The following DLGAP2 variants were observed in gnomAD, a reference collection of about 807,000 sequenced individuals.
DLGAP2 encodes DLG associated protein 2.
DLGAP2 carries 26 observed loss-of-function variants against 100.3 expected under a neutral mutation model. That is an observed-to-expected ratio of 0.26 (90% CI 0.19 to 0.36). The LOEUF (loss-of-function observed/expected upper bound fraction) is 0.36, where lower values mean the gene tolerates loss of function less well. Ranked by LOEUF, DLGAP2 falls within the 10% of genes least tolerant of loss-of-function variation. DLGAP2 has a pLI of 1.00. For synonymous variants in DLGAP2, 886 were observed against 630.1 expected, an observed-to-expected ratio of 1.41 and a Z score of -6.08; for missense variants, 1,858 against 1,453.2, an observed-to-expected ratio of 1.28 and a Z score of -4.53.
chr8:1,554,268 A>T (rs1801880006), intron 5 of DLGAP2, among the ~76,000 whole-genome samples: 2 of 151,754 alleles, frequency 1.3e-5, no homozygotes, highest in Admixed American at 6.6e-5. Context: ...AGCCTGGGTG[A>T]CAGAGCAAGA....
At chr8:743,308 A>G (rs530235886) in intron 1 of DLGAP2, among the ~76,000 whole-genome samples, 25 of 152,270 alleles carry the variant, frequency 1.6e-4, no homozygotes, top group African/African-American at 4.6e-4. Flanking sequence ...GCCATGTTCA[A>G]CCTGAGGATC....
chr8:1,664,171 G>A (rs780241446), intron 8 of DLGAP2, among the ~76,000 whole-genome samples: 2 of 152,168 alleles, frequency 1.3e-5, no homozygotes, highest in African/African-American at 2.4e-5. Flanking sequence ...TGGCCTTCCC[G>A]TGGCAGCGTT....
chr8:749,242 C>A (rs182810011), intron 1 of DLGAP2, among the ~76,000 whole-genome samples: 1 of 152,242 alleles, frequency 6.6e-6, no homozygotes, highest in African/African-American at 2.4e-5. Flanking sequence ...CCCCCTGCCT[C>A]GGCCTCCCAA....
chr8:1,270,318 G>C (rs1799554791), intron 3 of DLGAP2, among the ~76,000 whole-genome samples: 1 of 152,172 alleles, frequency 6.6e-6, no homozygotes, highest in Non-Finnish European at 1.5e-5. Flanking sequence ...AAAATGTCCA[G>C]AAATAGAAGG....
intron 3 of DLGAP2, among the ~76,000 whole-genome samples, chr8:1,382,254 T>C (rs7844611): frequency 0.026 from 3,996 of 152,310 alleles, 187 homozygotes; most frequent in African/African-American, 0.091. Flanking sequence ...TACTGTTTAT[T>C]AAATGGAAAT....
chr8:1,018,659 G>C (rs1584981464), intron 2 of DLGAP2: 1 of 152,164 alleles, frequency 6.6e-6, no homozygotes, highest in African/African-American at 2.4e-5. Context: ...AGTAATCTGT[G>C]ATATTTAAAC....
intron 2 of DLGAP2, among the ~76,000 whole-genome samples, chr8:1,005,060 C>G (rs1801067119): frequency 6.6e-6 from 1 of 152,178 alleles, no homozygotes; most frequent in African/African-American, 2.4e-5. Flanking sequence ...CACAGAAACT[C>G]TGTCTTCCAC....
intron 1 of DLGAP2, among the ~76,000 whole-genome samples, chr8:900,324 G>C (rs543713444): frequency 3.6e-4 from 54 of 150,788 alleles, no homozygotes; most frequent in Non-Finnish European, 5.9e-4. Flanking sequence ...CCTCTTCACG[G>C]TGTCGCTCCC....
chr8:1,196,078 G>C (rs1427472142), intron 2 of DLGAP2, among the ~76,000 whole-genome samples: 1 of 152,334 alleles, frequency 6.6e-6, no homozygotes, highest in Middle Eastern at 3.4e-3. Flanking sequence ...CTGGAAAGCT[G>C]TGTCATAACT....
At chr8:1,415,228 C>G (rs1291954004) in intron 3 of DLGAP2, among the ~76,000 whole-genome samples, 1 of 152,208 alleles carries the variant, frequency 6.6e-6, no homozygotes, top group African/African-American at 2.4e-5. Context: ...CAGCCCTAAA[C>G]TGGTTTTAGG....
chr8:857,881 T>G (rs984175547), intron 1 of DLGAP2, among the ~76,000 whole-genome samples: 2 of 152,164 alleles, frequency 1.3e-5, no homozygotes, highest in Non-Finnish European at 2.9e-5. Flanking sequence ...GATTTTTTTT[T>G]TTTTTTGAGA....
intron 3 of DLGAP2, among the ~76,000 whole-genome samples, chr8:1,288,734 T>C (rs892844456): frequency 3.3e-5 from 5 of 150,186 alleles, no homozygotes; most frequent in Admixed American, 2.7e-4. Flanking sequence ...TTTCAGTGTG[T>C]GTGTGCGTGG....
At chr8:1,241,300 A>C (rs112398126) in intron 2 of DLGAP2, among the ~76,000 whole-genome samples, 15 of 125,520 alleles carry the variant, frequency 1.2e-4, no homozygotes, top group East Asian at 2.5e-4. Flanking sequence ...TCTCACATGG[A>C]GCCGTGTCTA....
At chr8:1,567,860 C>G (rs1802465014) in intron 6 of DLGAP2, among the ~76,000 whole-genome samples, 1 of 152,238 alleles carries the variant, frequency 6.6e-6, no homozygotes, top group South Asian at 2.1e-4. Flanking sequence ...GTGGGAAACC[C>G]TCTGGGAGTT....
chr8:1,533,655 T>G (rs1437596107), intron 4 of DLGAP2, among the ~76,000 whole-genome samples: 1 of 152,238 alleles, frequency 6.6e-6, no homozygotes, highest in Non-Finnish European at 1.5e-5. Flanking sequence ...TACCAAAGGT[T>G]CTGAGTTTCT....
chr8:1,507,204 G>A (rs1799952585), intron 4 of DLGAP2, among the ~76,000 whole-genome samples: 1 of 152,210 alleles, frequency 6.6e-6, no homozygotes, highest in South Asian at 2.1e-4. Flanking sequence ...CCGCGGAGCA[G>A]GGGGCAGCGT....
At chr8:1,685,258 G>C (rs1253087688) in intron 12 of DLGAP2, among the ~76,000 whole-genome samples, 1 of 152,236 alleles carries the variant, frequency 6.6e-6, no homozygotes, top group Non-Finnish European at 1.5e-5. Context: ...AGGGCACGAG[G>C]ATGACATGGC....
intron 2 of DLGAP2, among the ~76,000 whole-genome samples, chr8:975,553 C>G (rs1297858063): frequency 6.6e-6 from 1 of 152,100 alleles, no homozygotes; most frequent in Non-Finnish European, 1.5e-5. Context: ...TACACCATGA[C>G]CAAGCTGGAT....
At chr8:1,124,611 G>C (rs796933721) in intron 2 of DLGAP2, among the ~76,000 whole-genome samples, 1 of 152,160 alleles carries the variant, frequency 6.6e-6, no homozygotes, top group African/African-American at 2.4e-5. Flanking sequence ...CCTGCACTAA[G>C]CTGCTTAAGA....
Sources: gnomAD v4.1 joint callset for allele counts (sites outside exome capture counted in the v4.1 genomes callset) on GRCh38, gnomAD v4.1.1 for gene constraint, MANE v1.5 for transcripts, NCBI Gene and HGNC (gene_info 2026-07-23, HGNC 2026-07-21) for gene names.